MYLK: variants seen among roughly 807,000 people sequenced by gnomAD.
MYLK encodes the protein myosin light chain kinase, smooth muscle.
Under a neutral mutation model 203.4 loss-of-function variants are expected in MYLK, and 106 were observed. The observed-to-expected ratio is 0.52, with a 90% confidence interval of 0.45 to 0.61. The LOEUF (loss-of-function observed/expected upper bound fraction) is 0.61, where lower values mean the gene tolerates loss of function less well. Among genes scored for constraint, MYLK ranks in the 20% least tolerant of loss-of-function variants. The pLI, the probability that MYLK is intolerant of heterozygous loss-of-function variation, is 0.00. For missense variants in MYLK, 2,072 were observed against 2,442.3 expected, an observed-to-expected ratio of 0.85 and a Z score of 3.20; for synonymous variants, 867 against 959.5, an observed-to-expected ratio of 0.90 and a Z score of 1.78.
chr3:123,641,687 T>C (rs1489562383), intron 27 of MYLK, among the ~76,000 whole-genome samples: 7 of 151,092 alleles, frequency 4.6e-5, no homozygotes, highest in Non-Finnish European at 1.0e-4. Context: ...CCAACCAACC[T>C]ACCTATCTTC....
At chr3:123,686,295 G>A (rs1365665155) in intron 19 of MYLK, among the ~76,000 whole-genome samples, 2 of 152,010 alleles carry the variant, frequency 1.3e-5, no homozygotes, top group Non-Finnish European at 2.9e-5. Flanking sequence ...TACATTGAGA[G>A]GAAAATGTGT....
rs544456463 is a variant in MYLK, at chr3:123,700,727, T to C, written c.2741A>G (p.Asp914Gly). The change falls in exon 18 of 34, where the codon GAC becomes GGC. Residue 914 changes from aspartate to glycine, a missense_variant. By Grantham distance (94) the Asp-to-Gly change is moderately conservative. Transcript: ENST00000360304. ...KVSTKTLSEDDLKEIPAEQMD... is the reference protein window; with the variant it reads ...KVSTKTLSEDGLKEIPAEQMD... ...CTGCTCGGCTGGGATCTCCTTCAGG[T>C]CGTCTTCCGATAGGGTCTTTGTACT... 1.4e-5 allele frequency: 23 copies of C among 1,614,166 alleles called. No individual in the cohort carries two copies. In the East Asian group the frequency reaches 3.8e-4, roughly 27 times the overall value.
In MYLK at chr3:123,613,397, G is replaced by C. The variant is rs565170944; in HGVS notation, c.*708C>G. 1 of 152,466 alleles carries C rather than the reference G, an allele frequency of 6.6e-6. No homozygotes were observed. The highest frequency in any genetic ancestry group is 6.5e-5 in the Admixed American group (1 of 15,292). 9.4% of individuals were successfully genotyped at this position (152,466 alleles called of 1,614,324 possible). On this transcript the variant is annotated 3_prime_UTR_variant, in exon 34 of 34. Transcript: ENST00000360304. ...TCTGAAGCTGCTAGACATCTGCAAA[G>C]AGGGGATAAGTTTAGATTTCCTACT...
chr3:123,755,625 C>G (rs2063336870), intron 4 of MYLK, among the ~76,000 whole-genome samples: 1 of 152,070 alleles, frequency 6.6e-6, no homozygotes, highest in Admixed American at 6.5e-5. Flanking sequence ...TACTGTCTGC[C>G]ACTACCCTGG....
intron 5 of MYLK, among the ~76,000 whole-genome samples, chr3:123,740,987 T>C (rs535373844): frequency 9.2e-5 from 14 of 152,274 alleles, no homozygotes; most frequent in Non-Finnish European, 1.0e-4. Flanking sequence ...GAGTTTTATT[T>C]TGAGGGGTGG....
chr3:123,757,826 A>G (rs1354382752), intron 4 of MYLK, among the ~76,000 whole-genome samples: 1 of 152,196 alleles, frequency 6.6e-6, no homozygotes, highest in African/African-American at 2.4e-5. Flanking sequence ...CTATGTATTC[A>G]TGATTGTTGC....
Position 123,634,791 on chromosome 3 carries a change from G to A in MYLK, c.4961+3280C>T, listed in dbSNP as rs539085226. Among the ~76,000 whole-genome samples the A allele has an allele frequency of 5.9e-5, 9 of 152,344 alleles. No individual in the cohort carries two copies. In the South Asian group the frequency reaches 1.7e-3, roughly 28 times the overall value. On this transcript the variant is annotated intron_variant, in intron 29 of 33. Coordinates refer to ENST00000360304, the MANE Select transcript of MYLK (RefSeq NM_053025.4). ...AGGAAGTAGGGGAGGGAGACAGCAG[G>A]GGGAGGAGGGCTCTTAAACGGAGGT...
chr3:123,702,748 G>A, intron 16 of MYLK, among the ~76,000 whole-genome samples: 1 of 152,204 alleles, frequency 6.6e-6, no homozygotes, highest in East Asian at 1.9e-4. Flanking sequence ...CAGCACTTTG[G>A]GAGGCTGAAG....
chr3:123,657,219 C>T lies in MYLK; in HGVS notation c.4195G>A (p.Glu1399Lys), dbSNP rs181663420. Residue 1399 changes from glutamate to lysine, a missense_variant, in exon 24 of 34, where the codon GAA becomes AAA. By Grantham distance (56) the Glu-to-Lys change is moderately conservative. This residue lies in a region of MYLK where 524 missense variants were observed against 782.4 expected (regional missense o/e 0.67). Coordinates refer to ENST00000360304, the MANE Select transcript of MYLK (RefSeq NM_053025.4). ...ATTGCACGTACACGGAACTTATATT[C>T]GTGGTCAGGCAGCAGGTCCTGGACG... ...FNVQDLLPDH[E>K]YKFRVRAINV... 373 of 1,614,144 alleles carry T rather than the reference C, an allele frequency of 2.3e-4. No homozygotes were observed. In the Admixed American group the frequency reaches 2.4e-3, roughly 10 times the overall value.
intron 2 of MYLK, among the ~76,000 whole-genome samples, chr3:123,875,404 C>T (rs1161263913): frequency 6.6e-6 from 1 of 152,102 alleles, no homozygotes. Context: ...ATATGACATT[C>T]CGAGATAGGA....
intron 2 of MYLK, among the ~76,000 whole-genome samples, chr3:123,851,136 T>G (rs1442812300): frequency 1.3e-5 from 2 of 152,246 alleles, no homozygotes; most frequent in Admixed American, 6.5e-5. Context: ...CATGCTGTTT[T>G]GGTTACTGTC....
intron 9 of MYLK, chr3:123,735,000 A>C (rs2062624512): frequency 3.1e-6 from 1 of 327,204 alleles, no homozygotes; most frequent in Non-Finnish European, 6.0e-6. Context: ...CCACCCCTGC[A>C]CATCCAGCAT....
At chr3:123,745,447 A>T (rs1297404728) in intron 5 of MYLK, among the ~76,000 whole-genome samples, 1 of 152,214 alleles carries the variant, frequency 6.6e-6, no homozygotes, top group African/African-American at 2.4e-5. Context: ...AAGGAATGAA[A>T]AAAGTCAAAA....
rs111347677 is a variant in MYLK at position 123,769,651 on chromosome 3, G to A, written c.166-17113C>T. Among the ~76,000 whole-genome samples, 872 of 152,210 alleles carry A rather than the reference G, an allele frequency of 5.7e-3. 11 individuals carry two copies. Among genetic ancestry groups the A allele is most frequent in the African/African-American group, 0.02 (831 of 41,520 alleles). On this transcript the variant is annotated intron_variant, in intron 4 of 33. Transcript: ENST00000360304. ...TCACTGCACCCTGGGTTTTCCTTCA[G>A]TGGGCCTCATCACGGCTTATAATTC...
intron 24 of MYLK, among the ~76,000 whole-genome samples, chr3:123,652,686 A>C (rs1428036229): frequency 2.0e-5 from 3 of 152,184 alleles, no homozygotes; most frequent in Non-Finnish European, 4.4e-5. Context: ...CTGTTTTGCT[A>C]ACAATTATAC....
At chr3:123,752,211 G>A (rs953517474) in intron 5 of MYLK, 120 bp downstream of exon 5, 3 of 1,042,160 alleles carry the variant, frequency 2.9e-6, no homozygotes, top group Admixed American at 3.4e-5. Context: ...GTTCAAGGAT[G>A]GGGTGTGTTT....
At chr3:123,741,654 C>G (rs1276041739) in intron 5 of MYLK, among the ~76,000 whole-genome samples, 2 of 152,120 alleles carry the variant, frequency 1.3e-5, no homozygotes, top group Non-Finnish European at 2.9e-5. Flanking sequence ...TGACTCCATT[C>G]AAAGGAAACG....
intron 18 of MYLK, among the ~76,000 whole-genome samples, chr3:123,699,343 C>G (rs2061075366): frequency 6.6e-6 from 1 of 152,184 alleles, no homozygotes; most frequent in Admixed American, 6.5e-5. Context: ...CCCTCCTCTC[C>G]CCACCATCCA....
At chr3:123,760,509 G>C (rs769115758) in intron 4 of MYLK, among the ~76,000 whole-genome samples, 8 of 152,138 alleles carry the variant, frequency 5.3e-5, no homozygotes, top group Non-Finnish European at 1.5e-5. Flanking sequence ...GATAGCACAT[G>C]TACAATACCA....
Sources: gnomAD v4.1 joint callset for allele counts (sites outside exome capture counted in the v4.1 genomes callset) on GRCh38, gnomAD v4.1.1 for gene constraint, gnomAD v4.1.1 regional missense constraint, MANE v1.5 for transcripts, NCBI Gene and HGNC (gene_info 2026-07-23, HGNC 2026-07-21) for gene names.